Variants in DNAH14 observed in about 807,000 individuals in gnomAD.
DNAH14 encodes dynein axonemal heavy chain 14.
A neutral mutation model predicts 520.9 loss-of-function variants in DNAH14; 478 were observed. The ratio of observed to expected loss-of-function variants is 0.92; its 90% confidence interval spans 0.85 to 0.99. DNAH14 has a LOEUF of 0.99. DNAH14 is among the 50% of genes least tolerant of loss of function. The pLI, the probability that DNAH14 is intolerant of heterozygous loss-of-function variation, is 0.00. For synonymous variants in DNAH14, 1,581 were observed against 1,757.2 expected (o/e 0.90, Z 2.51); for missense variants, 4,831 against 5,234.5 (o/e 0.92, Z 2.38).
At chr1:225,163,081 T>C (rs1433623923) in intron 35 of DNAH14, among the ~76,000 whole-genome samples, 1 of 132,772 alleles carries the variant, frequency 7.5e-6, no homozygotes, top group Non-Finnish European at 1.5e-5. Context: ...GAGGTTGCAG[T>C]GAGCCAAGAT....
intron 15 of DNAH14, among the ~76,000 whole-genome samples, chr1:225,049,751 T>A (rs760721278): frequency 8.1e-5 from 12 of 147,804 alleles, no homozygotes; most frequent in Admixed American, 1.4e-4. Flanking sequence ...GAGGTTTGTT[T>A]ATCTATCTGT....
At chr1:225,162,819 G>C (rs2081646192) in intron 35 of DNAH14, among the ~76,000 whole-genome samples, 1 of 151,834 alleles carries the variant, frequency 6.6e-6, no homozygotes, top group Non-Finnish European at 1.5e-5. Flanking sequence ...TCTTTTTCAG[G>C]TCGTTCTCTG....
intron 37 of DNAH14, among the ~76,000 whole-genome samples, chr1:225,191,730 A>G (rs1309593661): frequency 6.6e-6 from 1 of 151,576 alleles, no homozygotes; most frequent in Non-Finnish European, 1.5e-5. Context: ...GACTCTGTTT[A>G]CTTATTTTAT....
intron 36 of DNAH14, among the ~76,000 whole-genome samples, chr1:225,181,337 C>T (rs975728265): frequency 1.3e-5 from 2 of 152,136 alleles, no homozygotes; most frequent in African/African-American, 4.8e-5. Context: ...TCTTTGGGTA[C>T]ATACCCTGTA....
chr1:225,228,338 G>A (rs971914639), intron 41 of DNAH14, among the ~76,000 whole-genome samples: 1 of 152,164 alleles, frequency 6.6e-6, no homozygotes, highest in African/African-American at 2.4e-5. Flanking sequence ...ATGTAGGGGA[G>A]CAACAAGATG....
chr1:225,165,989 A>G (rs142296683), intron 35 of DNAH14, among the ~76,000 whole-genome samples: 6 of 152,164 alleles, frequency 3.9e-5, no homozygotes, highest in Admixed American at 1.3e-4. Context: ...ACTGATGCCC[A>G]TATTTTGAAG....
At position 225,308,411 on chromosome 1, in the gene DNAH14, G is replaced by A. The variant is rs1373413645; in HGVS notation, c.9240+1G>A. On this transcript the variant is annotated splice_donor_variant, in intron 60 of 85. Transcript: ENST00000682510. LOFTEE classifies it high-confidence loss of function. ...AAGAATTGTGGAAGATTATGCTCAGGTAAAATTAAAATATTGTCAATAAAA... is the reference window on the plus strand; with the variant it reads ...AAGAATTGTGGAAGATTATGCTCAGATAAAATTAAAATATTGTCAATAAAA... The A allele has an allele frequency of 2.7e-6, 4 of 1,507,884 alleles. No homozygotes were observed. The East Asian group carries it at 1.0e-4, about 38-fold the overall frequency. 93.4% of individuals were successfully genotyped at this position (1,507,884 alleles called of 1,614,324 possible).
At chr1:225,120,660 C>T (rs2077216936) in intron 26 of DNAH14, among the ~76,000 whole-genome samples, 1 of 152,188 alleles carries the variant, frequency 6.6e-6, no homozygotes, top group Non-Finnish European at 1.5e-5. Context: ...CTTTCAGTGT[C>T]ATAATGTCCT....
At chr1:224,962,079 G>C (rs913086498) in intron 4 of DNAH14, among the ~76,000 whole-genome samples, 2 of 152,044 alleles carry the variant, frequency 1.3e-5, no homozygotes, top group African/African-American at 4.8e-5. Context: ...TAGTATTCAT[G>C]TACTTATTAC....
intron 15 of DNAH14, among the ~76,000 whole-genome samples, chr1:225,047,651 A>G: frequency 6.6e-6 from 1 of 152,202 alleles, no homozygotes; most frequent in East Asian, 1.9e-4. Context: ...CCCTGTCATT[A>G]ATTGCATTAC....
intron 57 of DNAH14, among the ~76,000 whole-genome samples, 197 bp from the exon 58 acceptor site, chr1:225,304,711 T>G (rs531959565): frequency 1.3e-5 from 2 of 152,196 alleles, no homozygotes; most frequent in Non-Finnish European, 2.9e-5. Context: ...CATTCATAGT[T>G]AGCTCTGCTG....
chr1:225,207,138 G>A lies in DNAH14; in HGVS notation c.6357G>A (p.Glu2119=). Residue 2119 remains glutamate, a synonymous_variant, in exon 41 of 86, where the codon GAG becomes GAA. Transcript: ENST00000682510. ...NRQKFQPYPM[E]DITVVITLCR... is the part of the protein sequence containing the mutation. ...AGAAATTTCAGCCATATCCTATGGAGGACATAACAGTCGTCATAACCCTCT... is the reference window on the plus strand; with the variant it reads ...AGAAATTTCAGCCATATCCTATGGAAGACATAACAGTCGTCATAACCCTCT... 2 of 1,550,908 alleles carry A rather than the reference G, an allele frequency of 1.3e-6. No homozygotes were observed. Among genetic ancestry groups the A allele is most frequent in the Non-Finnish European group, 8.7e-7 (1 of 1,146,548 alleles).
chr1:225,157,464 CAGAT>C (rs1461193186), intron 34 of DNAH14, among the ~76,000 whole-genome samples: 2 of 152,124 alleles, frequency 1.3e-5, no homozygotes, highest in African/African-American at 2.4e-5. Flanking sequence ...TAAATTATGA[CAGAT>C]AGACCCATTG....
chr1:225,339,914 T>A (rs191661108), intron 68 of DNAH14, among the ~76,000 whole-genome samples: 1 of 152,300 alleles, frequency 6.6e-6, no homozygotes, highest in African/African-American at 2.4e-5. Context: ...CTCTTCCTCC[T>A]CTGCCTCTCC....
chr1:224,982,881 A>G (rs545873653), intron 8 of DNAH14, among the ~76,000 whole-genome samples: 6 of 152,264 alleles, frequency 3.9e-5, no homozygotes, highest in East Asian at 1.9e-4. Context: ...CATATGGTCT[A>G]TCTTGGAGAA....
intron 60 of DNAH14, among the ~76,000 whole-genome samples, chr1:225,309,258 G>A (rs144036440): frequency 3.9e-5 from 6 of 152,234 alleles, no homozygotes; most frequent in African/African-American, 1.2e-4. Context: ...AATAAAAGAA[G>A]TGTCAGCCTG....
chr1:225,111,641 A>G (rs971257194), intron 23 of DNAH14, among the ~76,000 whole-genome samples: 10 of 151,980 alleles, frequency 6.6e-5, no homozygotes, highest in Non-Finnish European at 1.5e-4. Flanking sequence ...GTTATCATTC[A>G]TAAGTAAGGA....
At chr1:225,181,111 G>C (rs1381030587) in intron 36 of DNAH14, among the ~76,000 whole-genome samples, 1 of 152,102 alleles carries the variant, frequency 6.6e-6, no homozygotes, top group Non-Finnish European at 1.5e-5. Flanking sequence ...AATTTGTATA[G>C]GATAATAGCC....
intron 23 of DNAH14, among the ~76,000 whole-genome samples, chr1:225,109,876 A>C (rs2148812273): frequency 6.6e-6 from 1 of 152,084 alleles, no homozygotes; most frequent in Non-Finnish European, 1.5e-5. Context: ...ATTTTGTTGG[A>C]TATGTTTCTT....
Sources: gnomAD v4.1 joint callset for allele counts (sites outside exome capture counted in the v4.1 genomes callset) on GRCh38, gnomAD v4.1.1 for gene constraint, MANE v1.5 for transcripts, NCBI Gene and HGNC (gene_info 2026-07-23, HGNC 2026-07-21) for gene names.